Variants in NFILZ observed in about 807,000 individuals in gnomAD.
NFILZ encodes the protein NFIL3 like basic leucine zipper.
chr19:8,638,987 C>T (rs1333592733), intron 3 of NFILZ, among the ~76,000 whole-genome samples: 4 of 151,686 alleles, frequency 2.6e-5, no homozygotes, highest in African/African-American at 7.3e-5. Context: ...GGATTACAGG[C>T]GCACACCACC....
chr19:8,671,361 TA>T (rs1555750269), intron 3 of NFILZ, among the ~76,000 whole-genome samples: 4 of 151,952 alleles, frequency 2.6e-5, no homozygotes, highest in African/African-American at 7.3e-5. Flanking sequence ...GCAGCAGAAC[TA>T]TCTGCTGCCC....
intron 3 of NFILZ, among the ~76,000 whole-genome samples, chr19:8,661,978 T>C (rs1307689520): frequency 6.6e-6 from 1 of 151,320 alleles, no homozygotes; most frequent in Non-Finnish European, 1.5e-5. Context: ...GGAAGGAGGG[T>C]CCACTGAGGC....
intron 3 of NFILZ, among the ~76,000 whole-genome samples, chr19:8,652,832 CTT>C (rs2146148387): frequency 6.9e-6 from 1 of 145,208 alleles, no homozygotes; most frequent in South Asian, 2.2e-4. Context: ...TTCTTTCTCA[CTT>C]TCTCTTTCTT....
intron 1 of NFILZ, among the ~76,000 whole-genome samples, chr19:8,632,146 G>A (rs1282950336): frequency 2.0e-5 from 3 of 151,990 alleles, no homozygotes; most frequent in African/African-American, 7.3e-5. Context: ...TGGGATTACA[G>A]GCGTGAGCCA....
intron 3 of NFILZ, among the ~76,000 whole-genome samples, chr19:8,672,545 A>G (rs2043092858): frequency 6.6e-6 from 1 of 152,134 alleles, no homozygotes; most frequent in South Asian, 2.1e-4. Context: ...TTCATTAAAA[A>G]ATTCATGTGT....
chr19:8,651,059 T>C (rs2042962735), intron 3 of NFILZ, among the ~76,000 whole-genome samples: 1 of 152,208 alleles, frequency 6.6e-6, no homozygotes. Flanking sequence ...AAACATACAA[T>C]GTGTCCTGAT....
In NFILZ at chr19:8,663,754, G is replaced by GTGTGTGTA. The variant is rs1555674963; in HGVS notation, c.-163-10790_-163-10789insATGTGTGT. ...TGTGTGTGTGTGTGTGTGTGTGTGT[G>GTGTGTGTA]TGTGTGTGTGTGTGTGTATGTATGT... On this transcript the variant is annotated intron_variant, in intron 3 of 5. Transcript: ENST00000691075. Among the ~76,000 whole-genome samples the GTGTGTGTA allele has an allele frequency of 2.2e-3, 262 of 117,560 alleles. 4 individuals carry two copies. Among genetic ancestry groups the GTGTGTGTA allele is most frequent in the East Asian group, 0.02 (89 of 4,448 alleles). 77.1% of individuals were successfully genotyped at this position (117,560 alleles called of 152,430 possible).
At chr19:8,659,259 A>AT (rs1246040732) in intron 3 of NFILZ, among the ~76,000 whole-genome samples, 5 of 147,608 alleles carry the variant, frequency 3.4e-5, no homozygotes, top group South Asian at 4.2e-4. Context: ...AAAAAAAAAA[A>AT]TTTTTTTTTA....
intron 3 of NFILZ, among the ~76,000 whole-genome samples, chr19:8,638,152 G>T (rs1269966053): frequency 6.6e-6 from 1 of 151,974 alleles, no homozygotes; most frequent in African/African-American, 2.4e-5. Flanking sequence ...GAAAGAATTG[G>T]GCACAGGCAC....
chr19:8,658,317 C>T (rs1555748705), intron 3 of NFILZ, among the ~76,000 whole-genome samples: 1 of 152,018 alleles, frequency 6.6e-6, no homozygotes, highest in Non-Finnish European at 1.5e-5. Context: ...CTCCACCATG[C>T]CCTATTGATA....
At chr19:8,663,746 G>GTGTATGTGTGTGTA (rs1568423372) in intron 3 of NFILZ, among the ~76,000 whole-genome samples, 97 of 51,956 alleles carry the variant, frequency 1.9e-3, no homozygotes, top group Non-Finnish European at 4.7e-3. Flanking sequence ...GTGTGTGTGT[G>GTGTATGTGTGTGTA]TGTGTGTGTG....
chr19:8,667,734 C>T (rs923648664), intron 3 of NFILZ, among the ~76,000 whole-genome samples: 1 of 151,714 alleles, frequency 6.6e-6, no homozygotes. Flanking sequence ...TTAGTACAGA[C>T]GAGGTTTCAC....
intron 2 of NFILZ, among the ~76,000 whole-genome samples, chr19:8,634,430 C>A (rs782158258): frequency 6.6e-6 from 1 of 152,282 alleles, no homozygotes; most frequent in Non-Finnish European, 1.5e-5. Context: ...GAACTATCGG[C>A]GCATGCCGTG....
intron 3 of NFILZ, among the ~76,000 whole-genome samples, chr19:8,662,243 C>T (rs986638185): frequency 7.4e-5 from 11 of 148,138 alleles, no homozygotes; most frequent in African/African-American, 2.5e-4. Context: ...AGGAGGGGAG[C>T]AAAAGTGTCT....
intron 4 of NFILZ, among the ~76,000 whole-genome samples, chr19:8,674,904 T>A (rs1243231774): frequency 2.0e-5 from 3 of 152,076 alleles, no homozygotes; most frequent in Non-Finnish European, 2.9e-5. Flanking sequence ...GTTACTACGG[T>A]TTATCTTAAA....
intron 2 of NFILZ, among the ~76,000 whole-genome samples, chr19:8,634,212 G>A (rs907309489): frequency 6.6e-6 from 1 of 151,944 alleles, no homozygotes; most frequent in Admixed American, 6.6e-5. Flanking sequence ...TGGCCAGGCT[G>A]GTCTTGAACC....
At chr19:8,667,582 C>G (rs1025659662) in intron 3 of NFILZ, among the ~76,000 whole-genome samples, 1 of 152,134 alleles carries the variant, frequency 6.6e-6, no homozygotes, top group Admixed American at 6.5e-5. Context: ...GAGTCTCGCT[C>G]TGTTGCTCAG....
intron 3 of NFILZ, among the ~76,000 whole-genome samples, chr19:8,669,373 A>G (rs2043076964): frequency 6.6e-6 from 1 of 152,196 alleles, no homozygotes; most frequent in Non-Finnish European, 1.5e-5. Context: ...TACTGCTATT[A>G]TTCCCCTTTT....
chr19:8,647,784 C>CACACACACAT (rs880003000), intron 3 of NFILZ, among the ~76,000 whole-genome samples: 1 of 87,978 alleles, frequency 1.1e-5, no homozygotes, highest in African/African-American at 4.9e-5. Flanking sequence ...CACATGCGCG[C>CACACACACAT]GCGCGCGCGC....
Sources: allele counts gnomAD v4.1 joint callset (sites outside exome capture counted in the v4.1 genomes callset), GRCh38; gene constraint gnomAD v4.1.1; transcripts MANE v1.5; gene names NCBI Gene and HGNC (gene_info 2026-07-23, HGNC 2026-07-21).